The following ABCC8 variants were observed in gnomAD, a reference collection of about 807,000 sequenced individuals.
ABCC8 encodes ATP binding cassette subfamily C member 8, also known as ATP-binding cassette sub-family C member 8.
ABCC8 carries 137 observed loss-of-function variants against 188.0 expected under a neutral mutation model. That is an observed-to-expected ratio of 0.73 (90% confidence interval 0.63 to 0.84). The LOEUF (loss-of-function observed/expected upper bound fraction) is 0.84. Among genes scored for constraint, ABCC8 ranks in the 40% least tolerant of loss-of-function variants. ABCC8 has a pLI of 0.00. For missense variants in ABCC8, 1,750 were observed against 2,072.7 expected, an observed-to-expected ratio of 0.84 and a Z score of 3.02; for synonymous variants, 797 against 846.5, an observed-to-expected ratio of 0.94 and a Z score of 1.01.
chr11:17,470,070 G>A (rs1325481099), intron 3 of ABCC8, 31 bp downstream of exon 3: 2 of 1,610,762 alleles, frequency 1.2e-6, no homozygotes, highest in Non-Finnish European at 8.5e-7. Flanking sequence ...ATGAATGAAG[G>A]TACTGCCCCT....
rs1413981908 is a variant in ABCC8, at chr11:17,448,687, G to GAGT, written c.1177-19_1177-17dup. ...AAATCTTGGTCTAGAAATGAGAGCAGAGTGTTTCACATTCATCATCATTCT... is the reference window on the plus strand; with the variant it reads ...AAATCTTGGTCTAGAAATGAGAGCAGAGTAGTGTTTCACATTCATCATCATTCT... On this transcript the variant is annotated splice_polypyrimidine_tract_variant and intron_variant, in intron 7 of 38. Transcript: ENST00000389817. 1 of 1,614,036 alleles carries GAGT rather than the reference G, an allele frequency of 6.2e-7. No homozygotes were observed. The highest frequency in any genetic ancestry group is 8.5e-7 in the Non-Finnish European group (1 of 1,180,018).
intron 29 of ABCC8, among the ~76,000 whole-genome samples, chr11:17,402,072 A>G (rs2133428330): frequency 6.6e-6 from 1 of 152,120 alleles, no homozygotes; most frequent in African/African-American, 2.4e-5. Context: ...GGCTTATTTG[A>G]CTCATCTTTT....
chr11:17,421,081 C>T (rs774826482), intron 16 of ABCC8, among the ~76,000 whole-genome samples: 1 of 152,154 alleles, frequency 6.6e-6, no homozygotes, highest in African/African-American at 2.4e-5. Context: ...TTGTGCCCAC[C>T]CTGCAGCTCT....
chr11:17,437,709 G>A lies in ABCC8; in HGVS notation c.1630+5011C>T, dbSNP rs575035738. On this transcript the variant is annotated intron_variant, in intron 10 of 38. Transcript: ENST00000389817. Reference sequence around the variant, plus strand: ...TACCTCCTTAATTGATGGGTGCCCCGGCTCTCCCTCAGCCATGCTCCCCAC... The same window carrying A: ...TACCTCCTTAATTGATGGGTGCCCCAGCTCTCCCTCAGCCATGCTCCCCAC... 6.6e-5 allele frequency among the ~76,000 whole-genome samples: 10 copies of A among 152,288 alleles called. No individual in the cohort carries two copies. The East Asian group carries it at 7.7e-4, about 12-fold the overall frequency.
At chr11:17,424,474 T>C (rs2237984) in intron 16 of ABCC8, among the ~76,000 whole-genome samples, 87,592 of 151,968 alleles carry the variant, frequency 0.58, 25,630 homozygotes, top group Admixed American at 0.64. Context: ...AGGTGGGGAC[T>C]GAGGCAGGGC....
chr11:17,415,180 T>G, intron 18 of ABCC8, 124 bp downstream of exon 18: 3 of 1,398,790 alleles, frequency 2.1e-6, no homozygotes, highest in Non-Finnish European at 3.0e-6. Flanking sequence ...GGGCCCTCCC[T>G]GGCCTCCCCC....
In ABCC8 at chr11:17,414,584, G is replaced by A. The variant is rs1355146733; in HGVS notation, c.2318C>T (p.Ser773Leu). ...GGCATTTAGCAGCCATGGTTTCTGCGAAGCATAGGCCACGGGGCCTCTCTT... is the reference window on the plus strand; with the variant it reads ...GGCATTTAGCAGCCATGGTTTCTGCAAAGCATAGGCCACGGGGCCTCTCTT... ...IRKRGPVAYA[S>L]QKPWLLNATV... Residue 773 changes from serine to leucine, a missense_variant, in exon 19 of 39, where the codon TCG becomes TTG. Ser to Leu is a moderately radical substitution (Grantham distance 145). Coordinates refer to ENST00000389817, the MANE Select transcript of ABCC8 (RefSeq NM_000352.6). 5.6e-6 allele frequency: 9 copies of A among 1,614,124 alleles called. No individual in the cohort carries two copies. Among genetic ancestry groups the A allele is most frequent in the African/African-American group, 1.3e-5 (1 of 74,946 alleles).
chr11:17,442,002 C>T (rs1956335362), intron 10 of ABCC8, among the ~76,000 whole-genome samples: 1 of 152,104 alleles, frequency 6.6e-6, no homozygotes, highest in African/African-American at 2.4e-5. Context: ...ATCACTTGAA[C>T]CTGGGATGTG....
intron 6 of ABCC8, 31 bp downstream of exon 6, chr11:17,460,457 G>A (rs1273741244): frequency 1.9e-6 from 3 of 1,613,890 alleles, no homozygotes; most frequent in South Asian, 1.1e-5. Context: ...CCATCTAGAG[G>A]GTGCCTTACC....
At position 17,474,897 on chromosome 11, in the gene ABCC8, G is replaced by A. The variant is rs550990673; in HGVS notation, c.279C>T (p.Ile93=). The change falls in exon 2 of 39, where the codon ATC becomes ATT. Residue 93 remains isoleucine, a synonymous_variant. Transcript: ENST00000389817. ...AGACAGTCACTCACCCATCAGACAG[G>A]ATGCCCTCTGCAATCTCACACACCA... is the stretch of plus-strand genomic sequence containing the variant. ...FVLVCEIAEG[I]LSDGVTESHH... 1 of 1,614,098 alleles carries A rather than the reference G, an allele frequency of 6.2e-7. No individual in the cohort carries two copies.
rs1266390094 is a variant in ABCC8 at position 17,406,656 on chromosome 11, T to A, written c.3295A>T (p.Ser1099Cys). Residue 1099 changes from serine to cysteine, a missense_variant, in exon 26 of 39, where the codon AGC (serine) becomes TGC (cysteine). Transcript: ENST00000389817. ...GLKVAKRLHR[S>C]LLNRIILAPM... ...GCTAGGATGATCCGGTTTAGCAGGCTGCGGTGCAGTCTCTTGGCCACCTTC... is the reference window on the plus strand; with the variant it reads ...GCTAGGATGATCCGGTTTAGCAGGCAGCGGTGCAGTCTCTTGGCCACCTTC... The A allele has an allele frequency of 1.2e-6, 2 of 1,614,076 alleles. No individual in the cohort carries two copies. Among genetic ancestry groups the A allele is most frequent in the African/African-American group, 2.7e-5 (2 of 74,928 alleles).
At chr11:17,433,193 C>A (rs182920899) in intron 10 of ABCC8, among the ~76,000 whole-genome samples, 21 of 152,108 alleles carry the variant, frequency 1.4e-4, no homozygotes, top group South Asian at 4.1e-4. Flanking sequence ...AGAGAGCAGC[C>A]CCCCCATGGC....
At chr11:17,424,385 G>A (rs1955490017) in intron 16 of ABCC8, among the ~76,000 whole-genome samples, 1 of 152,200 alleles carries the variant, frequency 6.6e-6, no homozygotes. Flanking sequence ...GGCTCCTTGT[G>A]TTCCCTGGGC....
intron 3 of ABCC8, among the ~76,000 whole-genome samples, chr11:17,465,736 T>C (rs1848106626): frequency 6.6e-6 from 1 of 152,182 alleles, no homozygotes; most frequent in Non-Finnish European, 1.5e-5. Context: ...CTTGACTCTA[T>C]CTACTTCTCT....
chr11:17,467,085 C>CA (rs933401660), intron 3 of ABCC8, among the ~76,000 whole-genome samples: 2 of 150,680 alleles, frequency 1.3e-5, no homozygotes, highest in Non-Finnish European at 2.9e-5. Flanking sequence ...CACACACACA[C>CA]AACTTCCCAT....
intron 10 of ABCC8, among the ~76,000 whole-genome samples, chr11:17,442,277 T>C (rs1431185274): frequency 6.6e-6 from 1 of 152,218 alleles, no homozygotes; most frequent in Non-Finnish European, 1.5e-5. Context: ...CTAGTCTTTT[T>C]CTTTTGCATA....
intron 26 of ABCC8, among the ~76,000 whole-genome samples, chr11:17,405,922 G>A (rs139349690): frequency 0.011 from 1,641 of 152,358 alleles, 32 homozygotes; most frequent in African/African-American, 0.038. Flanking sequence ...GGCTGACCCA[G>A]AGTCAGCCCA....
At position 17,394,251 on chromosome 11, in the gene ABCC8, G is replaced by C; in HGVS notation, c.4545+15C>G. 1 of 1,612,464 alleles carries C rather than the reference G, an allele frequency of 6.2e-7. No homozygotes were observed. The highest frequency in any genetic ancestry group is 8.5e-7 in the Non-Finnish European group (1 of 1,179,012). On this transcript the variant is annotated intron_variant, in intron 37 of 38. Transcript: ENST00000389817. The stretch of plus-strand genomic sequence containing the variant: ...TTTCCAAGACCATGGTCCCATGGAG[G>C]GGCCCAGGACCAACCGTGGCCATGT...
At chr11:17,422,263 C>G (rs1955380954) in intron 16 of ABCC8, among the ~76,000 whole-genome samples, 1 of 152,196 alleles carries the variant, frequency 6.6e-6, no homozygotes, top group Non-Finnish European at 1.5e-5. Flanking sequence ...TCGTATCTGC[C>G]TAGACTCCTT....
Sources: gnomAD v4.1 joint callset for allele counts (sites outside exome capture counted in the v4.1 genomes callset) on GRCh38, gnomAD v4.1.1 for gene constraint, MANE v1.5 for transcripts, NCBI Gene and HGNC (gene_info 2026-07-23, HGNC 2026-07-21) for gene names.